Variants in LRP1B observed in about 807,000 individuals in gnomAD.
The protein encoded by LRP1B is LDL receptor related protein 1B, also known as low-density lipoprotein receptor-related protein 1B.
In LRP1B, 217 loss-of-function variants were observed where a neutral mutation model predicts 556.6. That is an observed-to-expected ratio of 0.39 (90% CI 0.35 to 0.44). The LOEUF is 0.44. Ranked by LOEUF, LRP1B falls within the 20% of genes least tolerant of loss-of-function variation. LRP1B has a pLI of 1.00. For missense variants in LRP1B, 5,053 were observed against 5,620.8 expected (o/e 0.90, Z 3.23); for synonymous variants, 2,047 against 1,865.8 (o/e 1.10, Z -2.50).
At chr2:141,081,236 G>T (rs1699915036) in intron 7 of LRP1B, among the ~76,000 whole-genome samples, 1 of 152,146 alleles carries the variant, frequency 6.6e-6, no homozygotes, top group South Asian at 2.1e-4. Flanking sequence ...TGAATATACA[G>T]GGTTTGATAC....
rs1690841790 is a variant in LRP1B, at chr2:140,534,104, T to G, written c.7679A>C (p.Tyr2560Ser). 1 of 1,613,362 alleles carries G rather than the reference T, an allele frequency of 6.2e-7. No homozygotes were observed. The change falls in exon 47 of 91, where the codon TAT becomes TCT. Residue 2560 changes from tyrosine to serine, a missense_variant. Transcript: ENST00000389484. ...RSCRRGFKPC[Y>S]NRRCIPHGKL... ...GCCATGAGGAATGCAGCGGCGATTA[T>G]AGCATGGCTTGAAGCCTCTTCGACA...
At chr2:141,354,004 A>C (rs769215645) in intron 3 of LRP1B, among the ~76,000 whole-genome samples, 2 of 152,000 alleles carry the variant, frequency 1.3e-5, no homozygotes, top group Non-Finnish European at 2.9e-5. Flanking sequence ...AACTTCAAGA[A>C]GTATTGGTAA....
At chr2:141,463,068 C>G (rs151026515) in intron 3 of LRP1B, among the ~76,000 whole-genome samples, 1 of 152,128 alleles carries the variant, frequency 6.6e-6, no homozygotes, top group Non-Finnish European at 1.5e-5. Flanking sequence ...GTTGGATGAC[C>G]CTTTGTTTAA....
intron 41 of LRP1B, among the ~76,000 whole-genome samples, chr2:140,656,870 G>C (rs1229322757): frequency 6.6e-6 from 1 of 152,010 alleles, no homozygotes; most frequent in Non-Finnish European, 1.5e-5. Context: ...TGAGAGAAAT[G>C]GCAAACTAAA....
chr2:140,603,363 A>G (rs115751509), intron 41 of LRP1B, among the ~76,000 whole-genome samples: 6,231 of 152,206 alleles, frequency 0.041, 177 homozygotes, highest in Middle Eastern at 0.082. Flanking sequence ...TTAAATCATT[A>G]ATTAATAAAT....
In LRP1B at chr2:140,982,165, G is replaced by A. The variant is rs2105343535; in HGVS notation, c.2882C>T (p.Ser961Phe). The A allele has an allele frequency of 6.2e-7, 1 of 1,611,466 alleles. No individual in the cohort carries two copies. The highest frequency in any genetic ancestry group is 1.3e-5 in the African/African-American group (1 of 74,912). ...DCGDQTDEMA[S>F]CEFPTCEPLT... The stretch of plus-strand genomic sequence containing the variant: ...ATGTCTCACTCACAACTTACCACAA[G>A]ATGCCATTTCATCTGTCTGGTCACC... The change falls in exon 18 of 91, where the codon TCT becomes TTT. Residue 961 changes from serine (S) to phenylalanine (F), a missense_variant. By Grantham distance (155) the Ser-to-Phe change is radical (BLOSUM62 -2). Around this residue, in one of 5 missense-constraint regions of LRP1B, gnomAD observed 3,619 missense variants for 3,931.9 expected, o/e 0.92. Coordinates refer to ENST00000389484, the MANE Select transcript of LRP1B (RefSeq NM_018557.3).
chr2:140,475,464 A>T (rs1687936585), intron 59 of LRP1B, 127 bp from the exon 60 acceptor site: 1 of 604,196 alleles, frequency 1.7e-6, no homozygotes, highest in Non-Finnish European at 2.7e-6. Context: ...TGCAGCTTTT[A>T]AGAAACATCC....
chr2:141,056,674 A>C (rs1434424737), intron 9 of LRP1B, among the ~76,000 whole-genome samples: 5 of 151,736 alleles, frequency 3.3e-5, no homozygotes, highest in Admixed American at 3.3e-4. Context: ...ACCAGTGTCC[A>C]TTATTTGGAA....
At chr2:140,268,614 C>T (rs1682316360) in intron 86 of LRP1B, among the ~76,000 whole-genome samples, 2 of 151,900 alleles carry the variant, frequency 1.3e-5, no homozygotes, top group South Asian at 4.2e-4. Context: ...AGCTCAAATG[C>T]ACAATGCAAA....
At chr2:140,902,628 A>G (rs988145009) in intron 23 of LRP1B, among the ~76,000 whole-genome samples, 3 of 152,180 alleles carry the variant, frequency 2.0e-5, no homozygotes, top group African/African-American at 7.2e-5. Flanking sequence ...ACAGAGAAAC[A>G]AAGCAACTGC....
At chr2:140,493,021 A>C (rs1574000485) in intron 56 of LRP1B, among the ~76,000 whole-genome samples, 1 of 152,302 alleles carries the variant, frequency 6.6e-6, no homozygotes, top group East Asian at 1.9e-4. Context: ...GAAAAAGATA[A>C]TCTTCACCTC....
At chr2:140,891,128 C>A (rs976584442) in intron 23 of LRP1B, among the ~76,000 whole-genome samples, 19 of 152,140 alleles carry the variant, frequency 1.2e-4, no homozygotes, top group Non-Finnish European at 5.9e-5. Context: ...GAGATATGTA[C>A]AAAATAAAGG....
At chr2:141,292,369 T>C (rs1686007019) in intron 3 of LRP1B, among the ~76,000 whole-genome samples, 1 of 152,132 alleles carries the variant, frequency 6.6e-6, no homozygotes, top group Non-Finnish European at 1.5e-5. Flanking sequence ...ATGCTCCCTC[T>C]ATCAACTCAT....
chr2:140,245,352 T>C (rs548298420), intron 87 of LRP1B, among the ~76,000 whole-genome samples: 1 of 151,468 alleles, frequency 6.6e-6, no homozygotes, highest in Middle Eastern at 3.4e-3. Context: ...CAAACCATTT[T>C]CCAAACACCA....
chr2:141,851,320 C>T (rs1181516131), intron 1 of LRP1B, among the ~76,000 whole-genome samples: 2 of 151,792 alleles, frequency 1.3e-5, no homozygotes, highest in Non-Finnish European at 2.9e-5. Context: ...AGGTTGTCAC[C>T]TTGGTGACCA....
At position 140,915,505 on chromosome 2, in the gene LRP1B, T is replaced by G. The variant is rs1053330240; in HGVS notation, c.3320-7428A>C. On this transcript the variant is annotated intron_variant, in intron 21 of 90. Transcript: ENST00000389484. ...CTCTACTAAAAAGAAAAAAAAAAAT[T>G]TAGTCAGGTGTGGTGATGCATGCCT... Among the ~76,000 whole-genome samples, 66 of 150,724 alleles carry G rather than the reference T, an allele frequency of 4.4e-4. No homozygotes were observed. In the East Asian group the frequency reaches 0.011, roughly 24 times the overall value.
chr2:141,437,533 A>G (rs1232560908), intron 3 of LRP1B, among the ~76,000 whole-genome samples: 1 of 152,090 alleles, frequency 6.6e-6, no homozygotes, highest in Non-Finnish European at 1.5e-5. Flanking sequence ...TTGAAATACA[A>G]ATACAAAGTA....
At chr2:140,653,585 A>C (rs995396577) in intron 41 of LRP1B, among the ~76,000 whole-genome samples, 2 of 152,262 alleles carry the variant, frequency 1.3e-5, no homozygotes, top group East Asian at 1.9e-4. Context: ...TAAAGTCTGC[A>C]AGCTATGTAA....
intron 3 of LRP1B, among the ~76,000 whole-genome samples, chr2:141,311,504 C>G (rs1175345144): frequency 6.6e-6 from 1 of 152,080 alleles, no homozygotes; most frequent in East Asian, 1.9e-4. Context: ...TAAATGGGTC[C>G]TCCAAACTTC....
Sources: gnomAD v4.1 joint callset for allele counts (sites outside exome capture counted in the v4.1 genomes callset) on GRCh38, gnomAD v4.1.1 for gene constraint, gnomAD v4.1.1 regional missense constraint, MANE v1.5 for transcripts, NCBI Gene and HGNC (gene_info 2026-07-23, HGNC 2026-07-21) for gene names.